GPM6A: variants seen among roughly 807,000 people sequenced by gnomAD.
The protein encoded by GPM6A is neuronal membrane glycoprotein M6-a.
Under a neutral mutation model 32.1 loss-of-function variants are expected in GPM6A, and 7 were observed. The observed-to-expected ratio is 0.22, with a 90% CI of 0.12 to 0.41. The LOEUF is 0.41. Among genes scored for constraint, GPM6A ranks in the 10% least tolerant of loss-of-function variants. The pLI is 1.00. For synonymous variants in GPM6A, 130 were observed against 123.4 expected (o/e 1.05, Z -0.35); for missense variants, 235 against 347.2 (o/e 0.68, Z 2.57).
At chr4:175,679,194 T>C (rs952510355) in intron 2 of GPM6A, among the ~76,000 whole-genome samples, 1 of 152,166 alleles carries the variant, frequency 6.6e-6, no homozygotes, top group African/African-American at 2.4e-5. Context: ...TCTTTCTGTG[T>C]CTTAATGACA....
At chr4:175,775,596 G>A (rs1459838851) in intron 1 of GPM6A, among the ~76,000 whole-genome samples, 1 of 152,042 alleles carries the variant, frequency 6.6e-6, no homozygotes, top group Non-Finnish European at 1.5e-5. Flanking sequence ...AAATTTGATG[G>A]AGCAGAAGGG....
intron 1 of GPM6A, chr4:175,947,532 T>C (rs1432412466): frequency 6.6e-6 from 1 of 152,100 alleles, no homozygotes; most frequent in African/African-American, 2.4e-5. Context: ...GTCTTCAAGA[T>C]AAAATATTAT....
chr4:175,882,963 T>C (rs1553998292), intron 1 of GPM6A, among the ~76,000 whole-genome samples: 1 of 152,074 alleles, frequency 6.6e-6, no homozygotes, highest in Non-Finnish European at 1.5e-5. Flanking sequence ...GAATAATTGA[T>C]GTAAATTTTT....
At chr4:175,637,489 C>A (rs1210081358) in intron 6 of GPM6A, among the ~76,000 whole-genome samples, 9 of 4,652 alleles carry the variant, frequency 1.9e-3, no homozygotes, top group South Asian at 4.8e-3. Context: ...ATATATATGA[C>A]CTTTATATAT....
At chr4:175,719,934 T>C (rs533749125) in intron 1 of GPM6A, among the ~76,000 whole-genome samples, 5 of 152,322 alleles carry the variant, frequency 3.3e-5, no homozygotes, top group Admixed American at 6.5e-5. Context: ...CATAAATCTT[T>C]TCAAATGTTA....
chr4:175,831,702 C>T (rs1393493050), intron 1 of GPM6A, among the ~76,000 whole-genome samples: 1 of 133,960 alleles, frequency 7.5e-6, no homozygotes, highest in Non-Finnish European at 1.6e-5. Context: ...TGTTAAGGCC[C>T]ATTTAGCCAT....
chr4:175,743,479 A>C (rs1731972667), intron 1 of GPM6A, among the ~76,000 whole-genome samples: 1 of 152,112 alleles, frequency 6.6e-6, no homozygotes, highest in Non-Finnish European at 1.5e-5. Flanking sequence ...GAAAAAAATG[A>C]ATGAAAACCA....
At chr4:175,746,812 T>C (rs560489704) in intron 1 of GPM6A, among the ~76,000 whole-genome samples, 2 of 152,294 alleles carry the variant, frequency 1.3e-5, no homozygotes, top group East Asian at 3.9e-4. Context: ...TGTGTGTTTA[T>C]CTCTGTGGAT....
At chr4:175,933,698 A>T in intron 1 of GPM6A, among the ~76,000 whole-genome samples, 1 of 152,232 alleles carries the variant, frequency 6.6e-6, no homozygotes, top group South Asian at 2.1e-4. Context: ...GCCCGCCACC[A>T]TGCCCGGCTA....
chr4:175,945,200 C>T (rs1174089794), intron 1 of GPM6A, among the ~76,000 whole-genome samples: 1 of 152,038 alleles, frequency 6.6e-6, no homozygotes, highest in Non-Finnish European at 1.5e-5. Flanking sequence ...TTCAGAAAAA[C>T]AATCTTAATT....
intron 3 of GPM6A, among the ~76,000 whole-genome samples, chr4:175,655,012 G>T (rs182426332): frequency 1.3e-5 from 2 of 152,170 alleles, no homozygotes; most frequent in African/African-American, 4.8e-5. Flanking sequence ...AATAGGTTTA[G>T]ATTCAAAGTA....
chr4:175,749,137 G>A (rs1390372025), intron 1 of GPM6A, among the ~76,000 whole-genome samples: 1 of 152,028 alleles, frequency 6.6e-6, no homozygotes, highest in Non-Finnish European at 1.5e-5. Context: ...TCTTATATGA[G>A]TATAGTTTAT....
At chr4:175,741,240 G>T (rs1006424301) in intron 1 of GPM6A, among the ~76,000 whole-genome samples, 5 of 151,962 alleles carry the variant, frequency 3.3e-5, no homozygotes, top group African/African-American at 9.7e-5. Context: ...TTTTCTCTCT[G>T]TATCTTTCCC....
At chr4:175,927,528 C>G (rs1738882299) in intron 1 of GPM6A, among the ~76,000 whole-genome samples, 1 of 152,208 alleles carries the variant, frequency 6.6e-6, no homozygotes, top group Non-Finnish European at 1.5e-5. Context: ...ATGCTTTATC[C>G]CAAACTGTAC....
intron 3 of GPM6A, among the ~76,000 whole-genome samples, chr4:175,653,452 C>T (rs1239931348): frequency 6.6e-6 from 1 of 152,048 alleles, no homozygotes; most frequent in Non-Finnish European, 1.5e-5. Flanking sequence ...CAACATCTGT[C>T]TCAACAACGT....
intron 3 of GPM6A, among the ~76,000 whole-genome samples, chr4:175,665,082 G>A (rs1445474132): frequency 8.5e-5 from 13 of 152,164 alleles, no homozygotes; most frequent in Non-Finnish European, 1.6e-4. Flanking sequence ...ACCACCCTCT[G>A]ACACGTGGTT....
At chr4:175,915,725 A>T (rs530454071) in intron 1 of GPM6A, among the ~76,000 whole-genome samples, 11 of 152,206 alleles carry the variant, frequency 7.2e-5, no homozygotes, top group Non-Finnish European at 1.3e-4. Context: ...TTTTTCATCC[A>T]CCTCACTGGC....
At chr4:175,927,544 G>T (rs78857944) in intron 1 of GPM6A, among the ~76,000 whole-genome samples, 2,274 of 152,346 alleles carry the variant, frequency 0.015, 35 homozygotes, top group Non-Finnish European at 0.023. Context: ...TGTACTGGAT[G>T]CCTTGTTCAT....
intron 1 of GPM6A, among the ~76,000 whole-genome samples, chr4:175,879,720 G>A (rs1737207565): frequency 6.6e-6 from 1 of 152,036 alleles, no homozygotes; most frequent in Non-Finnish European, 1.5e-5. Context: ...AAAATAGTAG[G>A]CAAAATGGCC....
Sources: allele counts gnomAD v4.1 joint callset (sites outside exome capture counted in the v4.1 genomes callset), GRCh38; gene constraint gnomAD v4.1.1; transcripts MANE v1.5; gene names NCBI Gene and HGNC (gene_info 2026-07-23, HGNC 2026-07-21).